Variants in CDC123 observed in about 807,000 individuals in gnomAD.
CDC123 encodes translation initiation factor eIF2 assembly protein.
A neutral mutation model predicts 54.4 loss-of-function variants in CDC123; 37 were observed. The ratio of observed to expected loss-of-function variants is 0.68; its 90% CI spans 0.52 to 0.89. The LOEUF (loss-of-function observed/expected upper bound fraction) is 0.89, where lower values mean the gene tolerates loss of function less well. Ranked by LOEUF, CDC123 falls within the 40% of genes least tolerant of loss-of-function variation. CDC123 has a pLI of 0.00. For synonymous variants in CDC123, 144 were observed against 136.8 expected, an observed-to-expected ratio of 1.05 and a Z score of -0.37; for missense variants, 361 against 412.1, an observed-to-expected ratio of 0.88 and a Z score of 1.07.
chr10:12,248,658 T>G (rs1836192863), intron 11 of CDC123, among the ~76,000 whole-genome samples: 1 of 151,078 alleles, frequency 6.6e-6, no homozygotes, highest in African/African-American at 2.4e-5. Context: ...GTAAAAAAAT[T>G]AGCCAGGCAT....
intron 5 of CDC123, among the ~76,000 whole-genome samples, chr10:12,217,066 A>G (rs888566183): frequency 1.3e-5 from 2 of 152,158 alleles, no homozygotes; most frequent in Admixed American, 6.5e-5. Context: ...GATGTTTCTG[A>G]TACCTCATTT....
At chr10:12,204,130 G>A (rs1215054460) in intron 2 of CDC123, among the ~76,000 whole-genome samples, 1 of 150,746 alleles carries the variant, frequency 6.6e-6, no homozygotes, top group African/African-American at 2.4e-5. Context: ...ATTCTGATAA[G>A]TAATGTATTT....
chr10:12,220,727 C>T (rs995014289), intron 6 of CDC123, among the ~76,000 whole-genome samples: 1 of 152,182 alleles, frequency 6.6e-6, no homozygotes, highest in African/African-American at 2.4e-5. Context: ...CCTGTAATCC[C>T]AGCACTTTGG....
chr10:12,237,368 T>C (rs1217646052), intron 9 of CDC123, 102 bp downstream of exon 9: 1 of 930,538 alleles, frequency 1.1e-6, no homozygotes, highest in Non-Finnish European at 1.5e-6. Flanking sequence ...TTTGAAATAC[T>C]GTATTGTAAG....
chr10:12,225,095 A>G (rs1342408269), intron 6 of CDC123, among the ~76,000 whole-genome samples: 1 of 152,152 alleles, frequency 6.6e-6, no homozygotes, highest in Non-Finnish European at 1.5e-5. Flanking sequence ...TCCTCAGAAT[A>G]ATGATTTCTA....
In CDC123 at chr10:12,230,920, T is replaced by A. The variant is rs79225940; in HGVS notation, c.441-28T>A. 6,455 of 1,607,036 alleles carry A rather than the reference T, an allele frequency of 4.0e-3. 206 individuals are homozygous for A. The African/African-American group carries it at 0.072, about 18-fold the overall frequency. On this transcript the variant is annotated intron_variant, in intron 6 of 12. Coordinates refer to ENST00000281141, the MANE Select transcript of CDC123 (RefSeq NM_006023.3). ...AAACTGGCACCAGTAACAAAAAGAT[T>A]CAGTTGCCTTTTCTTCTTCTTCCAA... is the stretch of plus-strand genomic sequence containing the variant.
intron 9 of CDC123, 31 bp from the exon 10 acceptor site, chr10:12,238,426 A>G (rs773828455): frequency 2.5e-6 from 4 of 1,594,728 alleles, no homozygotes; most frequent in Non-Finnish European, 8.5e-7. Context: ...ATATTAGTTC[A>G]TTAATAACTG....
intron 6 of CDC123, 137 bp from the exon 7 acceptor site, chr10:12,230,811 C>T (rs1056980225): frequency 2.6e-6 from 2 of 755,326 alleles, no homozygotes; most frequent in South Asian, 3.2e-5. Flanking sequence ...AGTAAGTGTT[C>T]GTCGAATTTG....
chr10:12,219,308 G>A (rs533136421), intron 6 of CDC123, among the ~76,000 whole-genome samples: 1 of 150,450 alleles, frequency 6.6e-6, no homozygotes, highest in African/African-American at 2.5e-5. Flanking sequence ...ACTTGTATTG[G>A]TATTTCTAGT....
At chr10:12,197,588 A>G (rs1237608115) in intron 1 of CDC123, among the ~76,000 whole-genome samples, 83 of 151,900 alleles carry the variant, frequency 5.5e-4, no homozygotes, top group East Asian at 3.9e-4. Flanking sequence ...CGTGTTAGCC[A>G]GGATGGTCTC....
At chr10:12,209,466 C>A (rs1564434024) in intron 2 of CDC123, among the ~76,000 whole-genome samples, 1 of 152,178 alleles carries the variant, frequency 6.6e-6, no homozygotes, top group Non-Finnish European at 1.5e-5. Flanking sequence ...AACTCCTGGG[C>A]TCAAGCAATC....
intron 10 of CDC123, among the ~76,000 whole-genome samples, chr10:12,243,385 T>TG (rs1353046527): frequency 1.5e-4 from 15 of 102,664 alleles, no homozygotes; most frequent in African/African-American, 4.4e-4. Flanking sequence ...GCAACAAGAG[T>TG]GAAAAAAAAA....
At position 12,196,212 on chromosome 10, in the gene CDC123, G is replaced by A. The variant is rs761416072; in HGVS notation, c.-34G>A. The A allele has an allele frequency of 1.2e-6, 2 of 1,613,796 alleles. No homozygotes were observed. The highest frequency in any genetic ancestry group is 1.7e-6 in the Non-Finnish European group (2 of 1,179,952). On this transcript the variant is annotated 5_prime_UTR_variant, in exon 1 of 13. Coordinates refer to ENST00000281141, the MANE Select transcript of CDC123 (RefSeq NM_006023.3). Reference sequence around the variant, plus strand: ...CAGAGTTCCGGGAGGGTGCAGGCAGGAGAGGGAAAGGCAGCAGCGGCGGCA... The same window carrying A: ...CAGAGTTCCGGGAGGGTGCAGGCAGAAGAGGGAAAGGCAGCAGCGGCGGCA...
chr10:12,210,333 A>G lies in CDC123; in HGVS notation c.237+11A>G. 6.2e-7 allele frequency: 1 copy of G among 1,614,106 alleles called. No individual in the cohort carries two copies. Among genetic ancestry groups the G allele is most frequent in the South Asian group, 1.1e-5 (1 of 91,066 alleles). On this transcript the variant is annotated intron_variant, in intron 4 of 12. Transcript: ENST00000281141. ...ACAGCCACGCTTACGGTAAGAGCAC[A>G]GCAGACTCAGCGTGGGGACAGCCTC...
In CDC123 at chr10:12,246,265, C is replaced by T. The variant is rs151195188; in HGVS notation, c.834C>T (p.Asp278=). ...NNLNGDFSEV[D]AQEQDSPAFR... is the part of the protein sequence containing the mutation. ...TAAACGGCGATTTTAGTGAAGTTGACGCTCAAGAGCAGGTACAACATTTTT... is the reference window on the plus strand; with the variant it reads ...TAAACGGCGATTTTAGTGAAGTTGATGCTCAAGAGCAGGTACAACATTTTT... Residue 278 remains aspartate (D), a synonymous_variant, in exon 11 of 13, where the codon GAC becomes GAT. Coordinates refer to ENST00000281141, the MANE Select transcript of CDC123 (RefSeq NM_006023.3). 744 of 1,613,918 alleles carry T rather than the reference C, an allele frequency of 4.6e-4. No individual in the cohort carries two copies. Among genetic ancestry groups the T allele is most frequent in the Middle Eastern group, 8.2e-4 (5 of 6,084 alleles).
At chr10:12,201,228 A>G (rs990111494) in intron 2 of CDC123, among the ~76,000 whole-genome samples, 1 of 152,248 alleles carries the variant, frequency 6.6e-6, no homozygotes, top group Middle Eastern at 3.2e-3. Context: ...TAAAATGTTC[A>G]GTCTAATGCC....
At chr10:12,248,994 C>G (rs901586623) in intron 11 of CDC123, among the ~76,000 whole-genome samples, 1 of 151,762 alleles carries the variant, frequency 6.6e-6, no homozygotes, top group African/African-American at 2.4e-5. Context: ...GCCTGTAGTC[C>G]CAGCTACTTG....
At chr10:12,237,111 A>G in intron 8 of CDC123, 33 bp from the exon 9 acceptor site, 1 of 1,506,244 alleles carries the variant, frequency 6.6e-7, no homozygotes, top group East Asian at 2.4e-5. Flanking sequence ...AGAATATTGT[A>G]TAATAACAGG....
At chr10:12,210,685 TTTAG>T (rs1419241239) in intron 4 of CDC123, among the ~76,000 whole-genome samples, 14 of 152,174 alleles carry the variant, frequency 9.2e-5, no homozygotes, top group East Asian at 5.8e-4. Context: ...AGTATATTTA[TTTAG>T]TTAGTTAGTT....
Sources: gnomAD v4.1 joint callset for allele counts (sites outside exome capture counted in the v4.1 genomes callset) on GRCh38, gnomAD v4.1.1 for gene constraint, MANE v1.5 for transcripts, NCBI Gene and HGNC (gene_info 2026-07-23, HGNC 2026-07-21) for gene names.